The following TEX101 variants were observed in gnomAD, a reference collection of about 807,000 sequenced individuals.
The protein encoded by TEX101 is testis expressed 101.
Under a neutral mutation model 18.1 loss-of-function variants are expected in TEX101, and 10 were observed. The observed-to-expected ratio is 0.55, with a 90% CI of 0.34 to 0.94. The LOEUF (loss-of-function observed/expected upper bound fraction) is 0.94, where lower values mean the gene tolerates loss of function less well. Among genes scored for constraint, TEX101 ranks in the 40% least tolerant of loss-of-function variants. The pLI is 0.02. For missense variants in TEX101, 259 were observed against 298.9 expected (o/e 0.87, Z 0.98); for synonymous variants, 94 against 114.8 (o/e 0.82, Z 1.16).
At chr19:43,411,179 T>C (rs756901173), upstream of TEX101, among the ~76,000 whole-genome samples, 2 of 152,194 alleles carry the variant, frequency 1.3e-5, no homozygotes, top group African/African-American at 2.4e-5. Context: ...CAGGTTCAAA[T>C]GATTCTCTCG....
At chr19:43,416,021 A>C (rs1235136008) in intron 2 of TEX101, 38 bp downstream of exon 2, 1 of 1,612,698 alleles carries the variant, frequency 6.2e-7, no homozygotes. Context: ...CGTGTGTCAC[A>C]GAAGGTGGAC....
upstream of TEX101, among the ~76,000 whole-genome samples, chr19:43,398,391 T>C (rs1282748595): frequency 6.7e-6 from 1 of 149,920 alleles, no homozygotes; most frequent in African/African-American, 2.5e-5. Flanking sequence ...TTCTCCTACC[T>C]CAGCATCCTG....
the TEX101 span, among the ~76,000 whole-genome samples, chr19:43,390,970 A>G: frequency 6.6e-6 from 1 of 152,126 alleles, no homozygotes; most frequent in African/African-American, 2.4e-5. Context: ...TCACGACGTT[A>G]GGCACCTCTG....
chr19:43,407,791 C>T (rs895360703), intron 3 of TEX101, among the ~76,000 whole-genome samples: 2 of 152,212 alleles, frequency 1.3e-5, no homozygotes, highest in Admixed American at 6.5e-5. Context: ...GCCAACAGGA[C>T]GCAGTGCAGC....
chr19:43,404,163 C>T (rs972342192), intron 2 of TEX101, among the ~76,000 whole-genome samples: 10 of 147,718 alleles, frequency 6.8e-5, no homozygotes, highest in Admixed American at 5.5e-4. Context: ...GGCTTTATCA[C>T]GACAACTCTG....
chr19:43,417,528 G>A (rs765155529), intron 4 of TEX101, among the ~76,000 whole-genome samples: 20 of 152,266 alleles, frequency 1.3e-4, no homozygotes, highest in African/African-American at 1.7e-4. Flanking sequence ...GAAAATATTT[G>A]CCAAATTCTT....
At chr19:43,403,520 A>C (rs1036082240) in intron 2 of TEX101, among the ~76,000 whole-genome samples, 7 of 152,242 alleles carry the variant, frequency 4.6e-5, no homozygotes, top group Non-Finnish European at 8.8e-5. Flanking sequence ...CCAGCATGGC[A>C]CATGTATACC....
intron 3 of TEX101, among the ~76,000 whole-genome samples, chr19:43,409,433 T>TAAC (rs993631065): frequency 1.1e-4 from 16 of 152,228 alleles, no homozygotes; most frequent in African/African-American, 3.9e-4. Flanking sequence ...CTAACAATGT[T>TAAC]AACAGGCCAA....
intron 1 of TEX101, among the ~76,000 whole-genome samples, chr19:43,401,975 A>C (rs1970322331): frequency 6.6e-6 from 1 of 152,266 alleles, no homozygotes; most frequent in South Asian, 2.1e-4. Context: ...ACGGCAGTCT[A>C]TGAATTAAAA....
chr19:43,410,186 G>C (rs899408567), upstream of TEX101, among the ~76,000 whole-genome samples: 2 of 152,190 alleles, frequency 1.3e-5, no homozygotes, highest in African/African-American at 4.8e-5. Context: ...TAGGCCTGTT[G>C]GTAGGAGAAC....
At chr19:43,390,213 CGT>C in the TEX101 span, among the ~76,000 whole-genome samples, 10 of 151,992 alleles carry the variant, frequency 6.6e-5, no homozygotes, top group Admixed American at 4.6e-4. Flanking sequence ...AATTTGCATC[CGT>C]GTGTATCTGT....
chr19:43,407,564 T>G, intron 3 of TEX101, among the ~76,000 whole-genome samples: 1 of 152,012 alleles, frequency 6.6e-6, no homozygotes. Flanking sequence ...GACAGGTTGA[T>G]TTCACGCTAG....
At chr19:43,407,811 G>GC (rs1970382179) in intron 3 of TEX101, among the ~76,000 whole-genome samples, 1 of 152,220 alleles carries the variant, frequency 6.6e-6, no homozygotes, top group African/African-American at 2.4e-5. Context: ...CAGGGTTGAG[G>GC]CCCCATGCGG....
the TEX101 span, among the ~76,000 whole-genome samples, chr19:43,394,016 G>A: frequency 1.3e-5 from 2 of 151,392 alleles, no homozygotes; most frequent in Non-Finnish European, 2.9e-5. Flanking sequence ...GAAACTTCTT[G>A]GCTAAAATCC....
chr19:43,415,458 TAC>T (rs1434147118), intron 1 of TEX101, among the ~76,000 whole-genome samples: 2 of 152,024 alleles, frequency 1.3e-5, no homozygotes, highest in Non-Finnish European at 2.9e-5. Flanking sequence ...CGTGGTCATA[TAC>T]ACCATAAACC....
chr19:43,414,281 G>T (rs897687399), upstream of TEX101, among the ~76,000 whole-genome samples: 1 of 152,232 alleles, frequency 6.6e-6, no homozygotes, highest in Non-Finnish European at 1.5e-5. Flanking sequence ...ACAGCAGCCT[G>T]TGCCATCATA....
Position 43,418,520 on chromosome 19 carries a change from G to A in TEX101, c.*123G>A, listed in dbSNP as rs1276638431. ...GGGAGAATACAGAGATACTATGAAC[G>A]TATTTGACATTTTTAATACAATTTC... is the stretch of plus-strand genomic sequence containing the variant. On this transcript the variant is annotated 3_prime_UTR_variant, in exon 6 of 6. Coordinates refer to ENST00000598265, the MANE Select transcript of TEX101 (RefSeq NM_001130011.3). 4.0e-5 allele frequency: 30 copies of A among 758,078 alleles called. No individual in the cohort carries two copies. Among genetic ancestry groups the A allele is most frequent in the Middle Eastern group, 3.6e-4 (1 of 2,764 alleles). The allele number at this position is 758,078 out of a possible 1,614,324, so 47.0% of individuals were successfully genotyped here.
At chr19:43,410,641 G>A (rs1415671076), upstream of TEX101, among the ~76,000 whole-genome samples, 2 of 151,520 alleles carry the variant, frequency 1.3e-5, no homozygotes, top group African/African-American at 2.4e-5. Flanking sequence ...CATATGCTGA[G>A]TACACAGAGA....
the TEX101 span, among the ~76,000 whole-genome samples, chr19:43,391,406 CTTTTTTTTTTTTT>C: frequency 5.2e-5 from 5 of 95,904 alleles, no homozygotes; most frequent in Admixed American, 5.9e-4. Flanking sequence ...TTCTGTTTTT[CTTTTTTTTTTTTT>C]TTTTTTTTTT....
Sources: gnomAD v4.1 joint callset for allele counts (sites outside exome capture counted in the v4.1 genomes callset) on GRCh38, gnomAD v4.1.1 for gene constraint, MANE v1.5 for transcripts, NCBI Gene and HGNC (gene_info 2026-07-23, HGNC 2026-07-21) for gene names.